Variants in SLC22A25 observed in about 807,000 individuals in gnomAD.
SLC22A25 encodes MGI:2442751, MGI:2385316, MGI:3042283, MGI:3645714, MGI:3605624, MGI:2442750.
SLC22A25 carries 44 observed loss-of-function variants against 45.9 expected under a neutral mutation model. The observed-to-expected ratio is 0.96, with a 90% CI of 0.75 to 1.23. The LOEUF is 1.23. Among genes scored for constraint, SLC22A25 ranks in the 50% most tolerant of loss-of-function variants. The pLI, the probability that SLC22A25 is intolerant of heterozygous loss-of-function variation, is 0.00. For missense variants in SLC22A25, 800 were observed against 666.4 expected (o/e 1.20, Z -2.21); for synonymous variants, 283 against 238.6 (o/e 1.19, Z -1.72).
chr11:63,193,324 A>C (rs1326751717), intron 7 of SLC22A25, among the ~76,000 whole-genome samples: 1 of 152,232 alleles, frequency 6.6e-6, no homozygotes, highest in Non-Finnish European at 1.5e-5. Context: ...GAGAACAGAC[A>C]GTCTGCCTCC....
intron 7 of SLC22A25, among the ~76,000 whole-genome samples, chr11:63,184,631 G>C (rs2088454683): frequency 6.6e-6 from 1 of 152,046 alleles, no homozygotes; most frequent in Admixed American, 6.6e-5. Context: ...ATGTATACAG[G>C]TAAATTGATG....
At chr11:63,169,302 C>G (rs1165763872) in intron 9 of SLC22A25, among the ~76,000 whole-genome samples, 4 of 152,172 alleles carry the variant, frequency 2.6e-5, no homozygotes, top group African/African-American at 9.7e-5. Context: ...ATGACAGGAT[C>G]AAATTAAACA....
intron 3 of SLC22A25, among the ~76,000 whole-genome samples, chr11:63,235,639 C>G (rs1253873070): frequency 6.6e-6 from 1 of 152,202 alleles, no homozygotes; most frequent in Non-Finnish European, 1.5e-5. Flanking sequence ...CTTCCTCTCT[C>G]AAGTCATTGA....
chr11:63,182,585 C>T (rs2088369547), intron 8 of SLC22A25, among the ~76,000 whole-genome samples: 1 of 151,756 alleles, frequency 6.6e-6, no homozygotes, highest in Non-Finnish European at 1.5e-5. Context: ...AAAAAAAATG[C>T]TATGCCAATA....
chr11:63,161,923 C>A lies in SLC22A25; in HGVS notation c.*1901G>T, dbSNP rs1317002358. Among the ~76,000 whole-genome samples the A allele has an allele frequency of 6.6e-6, 1 of 152,196 alleles. No individual in the cohort carries two copies. Among genetic ancestry groups the A allele is most frequent in the African/African-American group, 2.4e-5 (1 of 41,458 alleles). On this transcript the variant is annotated 3_prime_UTR_variant, in exon 12 of 12. Coordinates refer to ENST00000306494, the MANE Select transcript of SLC22A25 (RefSeq NM_199352.6). ...GGGTTCCCTTTTCTCCACATTCTCA[C>A]CAGCATTTGTTCTTGCCTGTCTTTT...
chr11:63,183,154 G>A (rs977188177), intron 8 of SLC22A25, among the ~76,000 whole-genome samples: 1 of 152,098 alleles, frequency 6.6e-6, no homozygotes, highest in South Asian at 2.1e-4. Flanking sequence ...CTTATAGTAA[G>A]TAGAAGAAAC....
chr11:63,194,513 C>T (rs943877553), intron 7 of SLC22A25, among the ~76,000 whole-genome samples: 2 of 152,048 alleles, frequency 1.3e-5, no homozygotes, highest in Admixed American at 1.3e-4. Flanking sequence ...CAAGCAAATG[C>T]TGAGAGATTT....
At chr11:63,173,899 CT>C (rs561742765) in intron 9 of SLC22A25, among the ~76,000 whole-genome samples, 7,084 of 140,624 alleles carry the variant, frequency 0.05, 514 homozygotes, top group African/African-American at 0.17. Flanking sequence ...ATTTTCTTTT[CT>C]TTTTTTTTTT....
chr11:63,224,925 CT>C (rs2134830898), intron 5 of SLC22A25, among the ~76,000 whole-genome samples: 1 of 152,202 alleles, frequency 6.6e-6, no homozygotes, highest in Non-Finnish European at 1.5e-5. Context: ...CGGTGAAACC[CT>C]GTCTCTACTA....
At chr11:63,164,464 A>T in intron 11 of SLC22A25, 62 bp downstream of exon 11, 1 of 1,386,088 alleles carries the variant, frequency 7.2e-7, no homozygotes, top group Non-Finnish European at 1.0e-6. Flanking sequence ...TCCCTTGTTA[A>T]GTGTCAATTG....
At chr11:63,231,006 T>G (rs2090058134) in intron 3 of SLC22A25, among the ~76,000 whole-genome samples, 1 of 152,228 alleles carries the variant, frequency 6.6e-6, no homozygotes, top group African/African-American at 2.4e-5. Flanking sequence ...CTGTATAGTA[T>G]TCCATGGTGT....
At chr11:63,207,462 C>T (rs2134791169) in intron 7 of SLC22A25, among the ~76,000 whole-genome samples, 1 of 152,158 alleles carries the variant, frequency 6.6e-6, no homozygotes, top group Non-Finnish European at 1.5e-5. Context: ...AAGGATATGA[C>T]CAGACACTTC....
At chr11:63,188,716 A>T (rs4963381) in intron 7 of SLC22A25, among the ~76,000 whole-genome samples, 74,025 of 151,478 alleles carry the variant, frequency 0.49, 18,957 homozygotes, top group Non-Finnish European at 0.57. Context: ...CACTGCTTTG[A>T]ATGCGTCCCA....
intron 3 of SLC22A25, among the ~76,000 whole-genome samples, chr11:63,236,521 A>G (rs961648223): frequency 2.0e-5 from 3 of 152,036 alleles, no homozygotes; most frequent in African/African-American, 7.3e-5. Flanking sequence ...GAGTGACCCA[A>G]TTTTCCAGGT....
chr11:63,169,012 T>C (rs2087783326), intron 9 of SLC22A25, among the ~76,000 whole-genome samples: 1 of 152,178 alleles, frequency 6.6e-6, no homozygotes, highest in African/African-American at 2.4e-5. Flanking sequence ...AATGCCAATA[T>C]TCAACATTCT....
intron 5 of SLC22A25, among the ~76,000 whole-genome samples, chr11:63,224,050 G>A (rs1414545979): frequency 1.3e-5 from 2 of 152,072 alleles, no homozygotes; most frequent in African/African-American, 4.8e-5. Context: ...TATTGAAAGT[G>A]GGGTGTTGAA....
Position 63,163,653 on chromosome 11 carries a change from G to A in SLC22A25, c.*171C>T, listed in dbSNP as rs2087576258. 3.1e-6 allele frequency: 3 copies of A among 970,514 alleles called. No homozygotes were observed. The African/African-American group carries it at 4.9e-5, about 16-fold the overall frequency. The allele number at this position is 970,514 out of a possible 1,614,324, so 60.1% of individuals were successfully genotyped here. ...ACAAATTAACCTCCTGGACAGGCTG[G>A]GCAGAGATGGTCTGTGTGATCTAGT... is the stretch of plus-strand genomic sequence containing the variant. On this transcript the variant is annotated 3_prime_UTR_variant, in exon 12 of 12. Transcript: ENST00000306494.
chr11:63,166,765 T>G (rs1304181079), intron 9 of SLC22A25: 1 of 986,034 alleles, frequency 1.0e-6, no homozygotes, highest in Non-Finnish European at 1.2e-6. Context: ...GTAGATGGTC[T>G]TGTGTAGCAA....
chr11:63,188,874 C>A, intron 7 of SLC22A25, among the ~76,000 whole-genome samples: 1 of 152,122 alleles, frequency 6.6e-6, no homozygotes. Context: ...GTTTCTTAAT[C>A]CTGAGTTCTA....
Sources: gnomAD v4.1 joint callset for allele counts (sites outside exome capture counted in the v4.1 genomes callset) on GRCh38, gnomAD v4.1.1 for gene constraint, MANE v1.5 for transcripts, NCBI Gene and HGNC (gene_info 2026-07-23, HGNC 2026-07-21) for gene names.